MAPK3: variants seen among roughly 807,000 people sequenced by gnomAD.
The protein encoded by MAPK3 is mitogen-activated protein kinase 3.
A neutral mutation model predicts 41.8 loss-of-function variants in MAPK3; 30 were observed. The observed-to-expected ratio is 0.72, with a 90% CI of 0.54 to 0.97. The LOEUF (loss-of-function observed/expected upper bound fraction) is 0.97, where lower values mean the gene tolerates loss of function less well. Ranked by LOEUF, MAPK3 falls within the 50% of genes least tolerant of loss-of-function variation. MAPK3 has a pLI of 0.00. For synonymous variants in MAPK3, 222 were observed against 213.4 expected (o/e 1.04, Z -0.35); for missense variants, 413 against 509.9 (o/e 0.81, Z 1.83).
At chr16:30,116,868 C>T (rs749935407) in intron 7 of MAPK3, 26 bp downstream of exon 7, 1 of 1,613,608 alleles carries the variant, frequency 6.2e-7, no homozygotes, top group Admixed American at 1.7e-5. Flanking sequence ...TGCCCCCAGC[C>T]CCACTGCTGC....
At chr16:30,117,561 A>G in intron 5 of MAPK3, 109 bp downstream of exon 5, 1 of 862,300 alleles carries the variant, frequency 1.2e-6, no homozygotes, top group Non-Finnish European at 2.0e-6. Context: ...AGATACCATG[A>G]GATGCTGGAG....
rs1037434377 is a variant in MAPK3 at position 30,117,208 on chromosome 16, G to A, written c.853C>T (p.Pro285Ser). 8.1e-6 allele frequency: 13 copies of A among 1,614,016 alleles called. No homozygotes were observed. Among genetic ancestry groups the A allele is most frequent in the Non-Finnish European group, 1.0e-5 (12 of 1,180,022 alleles). ...GCCCAAGCCACCTTGGTCTTGGAGGGCAGAGACTGTAGGTAGTTTCGGGCC... is the reference window on the plus strand; with the variant it reads ...GCCCAAGCCACCTTGGTCTTGGAGGACAGAGACTGTAGGTAGTTTCGGGCC... ...MKARNYLQSL[P>S]SKTKVAWAKL... is the part of the protein sequence containing the mutation. Residue 285 changes from proline (P) to serine (S), a missense_variant, in exon 6 of 9, where the codon CCC becomes TCC. Pro to Ser is a moderately conservative substitution (Grantham distance 74, BLOSUM62 -1). Around this residue, in one of 4 missense-constraint regions of MAPK3, gnomAD observed 123 missense variants for 147.8 expected, o/e 0.83. Transcript: ENST00000263025.
At position 30,116,904 on chromosome 16, in the gene MAPK3, G is replaced by A. The variant is rs778102867; in HGVS notation, c.1007C>T (p.Pro336Leu). 2.4e-5 allele frequency: 39 copies of A among 1,613,770 alleles called. No homozygotes were observed. The highest frequency in any genetic ancestry group is 8.3e-5 in the Admixed American group (5 of 59,992). The change falls in exon 7 of 9, where the codon CCG becomes CTG. Residue 336 changes from proline (P) to leucine (L), a missense_variant. Around this residue, in one of 4 missense-constraint regions of MAPK3, gnomAD observed 123 missense variants for 147.8 expected, o/e 0.83. Coordinates refer to ENST00000263025, the MANE Select transcript of MAPK3 (RefSeq NM_002746.3). ...TGGGGACTGGCCCACCTCATCCGTC[G>A]GGTCATAGTACTGCTCCAGGTAGGG... ...AHPYLEQYYD[P>L]TDEPVAEEPF...
intron 4 of MAPK3, 48 bp from the exon 5 acceptor site, chr16:30,117,832 G>GC: frequency 6.9e-7 from 1 of 1,441,722 alleles, no homozygotes; most frequent in Non-Finnish European, 9.8e-7. Flanking sequence ...CCTCAACAGG[G>GC]TCCTGTTGTC....
chr16:30,116,867 C>T (rs55649456), intron 7 of MAPK3, 27 bp downstream of exon 7: 7 of 1,613,496 alleles, frequency 4.3e-6, no homozygotes, highest in Non-Finnish European at 5.9e-6. Flanking sequence ...CTGCCCCCAG[C>T]CCCACTGCTG....
chr16:30,119,264 T>C (rs1040669949), intron 2 of MAPK3, among the ~76,000 whole-genome samples: 20 of 152,150 alleles, frequency 1.3e-4, no homozygotes, highest in Admixed American at 1.2e-3. Flanking sequence ...AACCTGTCTG[T>C]GCCTCAACTT....
intron 5 of MAPK3, 37 bp downstream of exon 5, chr16:30,117,633 T>C (rs1285296021): frequency 6.5e-7 from 1 of 1,531,448 alleles, no homozygotes; most frequent in Non-Finnish European, 9.1e-7. Flanking sequence ...TCGGAAAAGC[T>C]AATCATCCCC....
intron 1 of MAPK3, chr16:30,122,759 G>A (rs1445134894): frequency 9.0e-6 from 3 of 335,044 alleles, no homozygotes; most frequent in Non-Finnish European, 1.6e-5. Context: ...TGTCACTAGG[G>A]TCCCCGCGGG....
At chr16:30,115,432 G>A (rs1018399059) in intron 8 of MAPK3, among the ~76,000 whole-genome samples, 2 of 152,190 alleles carry the variant, frequency 1.3e-5, no homozygotes, top group African/African-American at 2.4e-5. Context: ...GTGGGGGCAG[G>A]CCAGTGGGGT....
intron 2 of MAPK3, among the ~76,000 whole-genome samples, chr16:30,119,861 G>C (rs551936305): frequency 6.6e-6 from 1 of 152,290 alleles, no homozygotes; most frequent in African/African-American, 2.4e-5. Flanking sequence ...AAATAAGTCA[G>C]GGCTGTCTTT....
Position 30,123,186 on chromosome 16 carries a change from C to T in MAPK3, c.24G>A (p.Gly8=), listed in dbSNP as rs1311205516. MAAAAAQ[G]GGGGEPRRTE... ...TTCTACGGGGCTCCCCGCCCCCGCC[C>T]CCCTGAGCCGCCGCCGCCGCCATCT... The change falls in exon 1 of 9, where the codon GGG becomes GGA. Residue 8 remains glycine (G), a synonymous_variant. Coordinates refer to ENST00000263025, the MANE Select transcript of MAPK3 (RefSeq NM_002746.3). The T allele has an allele frequency of 2.1e-5, 28 of 1,323,368 alleles. No individual in the cohort carries two copies. Among genetic ancestry groups the T allele is most frequent in the Admixed American group, 3.1e-5 (1 of 31,916 alleles). The allele number at this position is 1,323,368 out of a possible 1,614,324, so 82.0% of individuals were successfully genotyped here. A position where few individuals can be genotyped will look rare whatever the true frequency, so the allele number is the denominator to read the frequency against.
intron 2 of MAPK3, among the ~76,000 whole-genome samples, chr16:30,119,420 G>A (rs2072994544): frequency 6.6e-6 from 1 of 152,128 alleles, no homozygotes; most frequent in Non-Finnish European, 1.5e-5. Context: ...CCAAAGTGCT[G>A]GAAATTACAG....
chr16:30,116,584 A>G, intron 8 of MAPK3, 52 bp downstream of exon 8: 1 of 1,542,914 alleles, frequency 6.5e-7, no homozygotes, highest in Non-Finnish European at 8.8e-7. Flanking sequence ...AGATATACAG[A>G]TATAGATATT....
intron 8 of MAPK3, chr16:30,115,579 T>A (rs2072947516): frequency 2.6e-5 from 4 of 152,318 alleles, no homozygotes; most frequent in Admixed American, 2.6e-4. Flanking sequence ...AGCTGAAGCT[T>A]GGCTCAGGTC....
chr16:30,122,061 C>T, intron 1 of MAPK3, 55 bp from the exon 2 acceptor site: 1 of 1,579,974 alleles, frequency 6.3e-7, no homozygotes, highest in Non-Finnish European at 8.7e-7. Flanking sequence ...GGAGTCCGGG[C>T]CTGGTGGCCC....
In MAPK3 at chr16:30,116,730, G is replaced by C. The variant is rs1427624736; in HGVS notation, c.1078C>G (p.Leu360Val). The C allele has an allele frequency of 1.2e-6, 2 of 1,613,926 alleles. No homozygotes were observed. Among genetic ancestry groups the C allele is most frequent in the Non-Finnish European group, 1.7e-6 (2 of 1,179,998 alleles). ...MELDDLPKER[L>V]KELIFQETAR... ...GTCTCCTGGAAGATGAGCTCCTTCA[G>C]CCGCTCCTTAGGTAGGTCATCCAGC... Residue 360 changes from leucine (L) to valine (V), a missense_variant, in exon 8 of 9, where the codon CTG (leucine) becomes GTG (valine). By Grantham distance (32) the Leu-to-Val change is conservative. Transcript: ENST00000263025.
chr16:30,120,251 T>A (rs1177338468), intron 2 of MAPK3, among the ~76,000 whole-genome samples: 1 of 152,178 alleles, frequency 6.6e-6, no homozygotes, highest in East Asian at 1.9e-4. Context: ...CCCTGCTGTT[T>A]TAGGGCTGGG....
chr16:30,117,435 G>A, intron 5 of MAPK3, 150 bp from the exon 6 acceptor site: 1 of 868,434 alleles, frequency 1.2e-6, no homozygotes, highest in South Asian at 1.6e-5. Context: ...TGCAGAGCAA[G>A]GGGGCTGGGT....
At chr16:30,120,590 A>C (rs2073006372) in intron 2 of MAPK3, among the ~76,000 whole-genome samples, 1 of 152,080 alleles carries the variant, frequency 6.6e-6, no homozygotes, top group Non-Finnish European at 1.5e-5. Context: ...AGAAGTCCTA[A>C]GAAGAAGGAC....
Sources: gnomAD v4.1 joint callset for allele counts (sites outside exome capture counted in the v4.1 genomes callset) on GRCh38, gnomAD v4.1.1 for gene constraint, gnomAD v4.1.1 regional missense constraint, MANE v1.5 for transcripts, NCBI Gene and HGNC (gene_info 2026-07-23, HGNC 2026-07-21) for gene names.